The following C4orf50 variants were observed in gnomAD, a reference collection of about 807,000 sequenced individuals.
The protein encoded by C4orf50 is uncharacterized protein C4orf50.
In C4orf50, 80 loss-of-function variants were observed where a neutral mutation model predicts 77.2. The observed-to-expected ratio is 1.04, with a 90% CI of 0.87 to 1.25. The LOEUF (loss-of-function observed/expected upper bound fraction) is 1.25. Among genes scored for constraint, C4orf50 ranks in the 50% most tolerant of loss-of-function variants. The pLI is 0.00. For synonymous variants in C4orf50, 532 were observed against 465.3 expected (o/e 1.14, Z -1.84); for missense variants, 1,257 against 1,152.9 (o/e 1.09, Z -1.31).
intron 7 of C4orf50, among the ~76,000 whole-genome samples, chr4:5,920,370 T>C (rs536900172): frequency 5.7e-4 from 87 of 152,148 alleles, no homozygotes; most frequent in African/African-American, 2.0e-3. Context: ...AGTTGAGGTG[T>C]GCGCCTGGTG....
At position 6,009,312 on chromosome 4, in the gene C4orf50, G is replaced by A. The variant is rs569114290; in HGVS notation, c.427-780C>T. Among the ~76,000 whole-genome samples, 72 of 152,302 alleles carry A rather than the reference G, an allele frequency of 4.7e-4. 1 individual carries two copies. The highest frequency in any genetic ancestry group is 1.7e-3 in the African/African-American group (70 of 41,560). ...ACTTTTCAGAATTAATTCAAGCAAA[G>A]GGATAGAACTACGTCTACGTTAATC... is the stretch of plus-strand genomic sequence containing the variant. On this transcript the variant is annotated intron_variant, in intron 24 of 33. Transcript: ENST00000531445. The surrounding 1 kb of genome is among the most constrained non-coding windows in gnomAD (Gnocchi z 5.6).
exon 28 of C4orf50, chr4:5,988,703 C>T: frequency 1.3e-6 from 2 of 1,536,126 alleles, no homozygotes; most frequent in Non-Finnish European, 1.7e-6. Flanking sequence ...CTTCCCCTCA[C>T]CAAACGCCCC....
At chr4:5,994,004 T>C (rs1450039050) in intron 26 of C4orf50, among the ~76,000 whole-genome samples, 2 of 152,142 alleles carry the variant, frequency 1.3e-5, no homozygotes, top group East Asian at 3.9e-4. Context: ...GGACGGCTCC[T>C]GGCCATCATA....
chr4:6,008,843 C>T lies in C4orf50; in HGVS notation c.427-311G>A, dbSNP rs1432681550. Among the ~76,000 whole-genome samples the T allele has an allele frequency of 6.6e-6, 1 of 152,146 alleles. No individual in the cohort carries two copies. The highest frequency in any genetic ancestry group is 2.4e-5 in the African/African-American group (1 of 41,430). The stretch of plus-strand genomic sequence containing the variant: ...CATCAGCGAGTACACACCCTGAGGG[C>T]CGCTGGAGATGTCCGGATACTGAAT... On this transcript the variant is annotated intron_variant, in intron 24 of 33. Coordinates refer to ENST00000531445, the Ensembl canonical transcript of C4orf50. This position sits in a 1 kb window ranked among gnomAD's most constrained non-coding sequence, Gnocchi z 6.0.
Position 5,932,458 on chromosome 4 carries a change from G to A in C4orf50, c.*2474+24443C>T, listed in dbSNP as rs1046492644. 2.6e-5 allele frequency among the ~76,000 whole-genome samples: 4 copies of A among 152,130 alleles called. No homozygotes were observed. The highest frequency in any genetic ancestry group is 4.4e-5 in the Non-Finnish European group (3 of 68,018). ...ATCAGACTGTGGTGGGAACATTACA[G>A]TGTTTGTTTGTTTTGGAGCCTGGCT... On this transcript the variant is annotated intron_variant, in intron 7 of 7. Coordinates refer to the C4orf50 transcript ENST00000324058. The surrounding 1 kb of genome is among the most constrained non-coding windows in gnomAD (Gnocchi z 4.2).
At chr4:5,975,915 G>A in exon 30 of C4orf50, 1 of 1,613,504 alleles carries the variant, frequency 6.2e-7, no homozygotes. Context: ...GGGAGTCACT[G>A]CCAACTTTGC....
At position 6,011,222 on chromosome 4, in the gene C4orf50, T is replaced by A. The variant is rs1250587128; in HGVS notation, c.426+608A>T. Among the ~76,000 whole-genome samples the A allele has an allele frequency of 6.6e-6, 1 of 152,170 alleles. No homozygotes were observed. The highest frequency in any genetic ancestry group is 1.9e-4 in the East Asian group (1 of 5,188). ...CCCTAAAGCTTGTTCCCCATTGTAT[T>A]CAGAATTGGGCCATGCAGCGGAGTT... On this transcript the variant is annotated intron_variant, in intron 24 of 33. Coordinates refer to ENST00000531445, the Ensembl canonical transcript of C4orf50. This position sits in a 1 kb window ranked among gnomAD's most constrained non-coding sequence, Gnocchi z 4.2.
chr4:5,942,249 G>A (rs74503193), intron 7 of C4orf50, among the ~76,000 whole-genome samples: 2 of 152,158 alleles, frequency 1.3e-5, no homozygotes, highest in East Asian at 1.9e-4. Flanking sequence ...CATCCACAGT[G>A]CCAATCTGGT....
At chr4:5,940,540 T>C (rs1322961725) in intron 7 of C4orf50, among the ~76,000 whole-genome samples, 3 of 152,208 alleles carry the variant, frequency 2.0e-5, no homozygotes, top group Non-Finnish European at 4.4e-5. Flanking sequence ...GAAGCTGAAG[T>C]GCCTGGTAAG....
intron 7 of C4orf50, among the ~76,000 whole-genome samples, chr4:5,938,847 T>C (rs1018678690): frequency 6.6e-6 from 1 of 152,064 alleles, no homozygotes; most frequent in Non-Finnish European, 1.5e-5. Context: ...CACCTTTGCT[T>C]TCCCCTAATC....
At chr4:5,911,961 G>C (rs1577877357) in intron 7 of C4orf50, among the ~76,000 whole-genome samples, 1 of 152,112 alleles carries the variant, frequency 6.6e-6, no homozygotes, top group Non-Finnish European at 1.5e-5. Context: ...CGGGAAAATC[G>C]CTTTAACCCC....
intron 25 of C4orf50, among the ~76,000 whole-genome samples, chr4:5,994,707 GACA>G (rs1721483875): frequency 6.6e-6 from 1 of 152,218 alleles, no homozygotes; most frequent in Non-Finnish European, 1.5e-5. Flanking sequence ...CCTGTCCACA[GACA>G]ACGAGGGCAG....
rs962442216 is a variant in C4orf50, at chr4:6,017,144, G to A, written c.287+1001C>T. On this transcript the variant is annotated intron_variant, in intron 23 of 33. Coordinates refer to ENST00000531445, the Ensembl canonical transcript of C4orf50. This position sits in a 1 kb window ranked among gnomAD's most constrained non-coding sequence, Gnocchi z 4.7. ...CATCAGGCAAACAGTGCCCACAGCA[G>A]GAAGTTCTACAGAGAGAAACGAATG... is the stretch of plus-strand genomic sequence containing the variant. 4.6e-5 allele frequency among the ~76,000 whole-genome samples: 7 copies of A among 152,238 alleles called. No individual in the cohort carries two copies. Among genetic ancestry groups the A allele is most frequent in the African/African-American group, 1.4e-4 (6 of 41,462 alleles).
chr4:5,948,581 G>T lies in C4orf50; in HGVS notation c.*2474+8320C>A, dbSNP rs182875069. Among the ~76,000 whole-genome samples the T allele has an allele frequency of 6.3e-3, 959 of 152,284 alleles. 9 individuals carry two copies. The highest frequency in any genetic ancestry group is 0.029 in the South Asian group (141 of 4,818). On this transcript the variant is annotated intron_variant, in intron 7 of 7. Transcript: ENST00000324058. ...GGAGGCCGAGGCAGGCGGATCACGA[G>T]GTCAGCAGATCCAGACAATCCTGGC... is the stretch of plus-strand genomic sequence containing the variant.
rs1272894452 is a variant in C4orf50, at chr4:6,017,553, T to C, written c.287+592A>G. Among the ~76,000 whole-genome samples, 1 of 152,188 alleles carries C rather than the reference T, an allele frequency of 6.6e-6. No homozygotes were observed. Among genetic ancestry groups the C allele is most frequent in the Non-Finnish European group, 1.5e-5 (1 of 68,038 alleles). Reference sequence around the variant, plus strand: ...TGAGTTTCCTCCAAAACAACCCTTGTCATTGCAGAAACCATAGGCTGTGAT... The same window carrying C: ...TGAGTTTCCTCCAAAACAACCCTTGCCATTGCAGAAACCATAGGCTGTGAT... On this transcript the variant is annotated intron_variant, in intron 23 of 33. Transcript: ENST00000531445. This position sits in a 1 kb window ranked among gnomAD's most constrained non-coding sequence, Gnocchi z 4.7.
At chr4:5,988,062 TG>T (rs57432521) in intron 28 of C4orf50, among the ~76,000 whole-genome samples, 7,549 of 152,308 alleles carry the variant, frequency 0.05, 454 homozygotes, top group African/African-American at 0.15. Context: ...GGTGCCCTGC[TG>T]GAGTCTAAGA....
At chr4:5,917,586 G>A (rs909284859) in intron 7 of C4orf50, among the ~76,000 whole-genome samples, 1 of 151,650 alleles carries the variant, frequency 6.6e-6, no homozygotes, top group Non-Finnish European at 1.5e-5. Context: ...GCTAATTTTT[G>A]TATTTTTAGT....
At chr4:5,926,641 C>T (rs993189461) in intron 7 of C4orf50, among the ~76,000 whole-genome samples, 1 of 151,662 alleles carries the variant, frequency 6.6e-6, no homozygotes, top group African/African-American at 2.4e-5. Context: ...TTTTAAAGGG[C>T]AGATGACCCA....
At chr4:5,960,190 C>T (rs1384766450) in intron 33 of C4orf50, among the ~76,000 whole-genome samples, 2 of 152,228 alleles carry the variant, frequency 1.3e-5, no homozygotes, top group African/African-American at 4.8e-5. Context: ...GTGGCTTCGA[C>T]TTCAAAGCCA....
Sources: gnomAD v4.1 joint callset for allele counts (sites outside exome capture counted in the v4.1 genomes callset) on GRCh38, gnomAD v4.1.1 for gene constraint, Gnocchi (gnomAD v3.1) non-coding constraint, MANE v1.5 for transcripts, NCBI Gene and HGNC (gene_info 2026-07-23, HGNC 2026-07-21) for gene names.